The following TBC1D32 variants were observed in gnomAD, a reference collection of about 807,000 sequenced individuals.
The protein encoded by TBC1D32 is protein broad-minded.
A neutral mutation model predicts 170.3 loss-of-function variants in TBC1D32; 151 were observed. That is an observed-to-expected ratio of 0.89 (90% CI 0.78 to 1.01). The LOEUF is 1.01. Among genes scored for constraint, TBC1D32 ranks in the 50% least tolerant of loss-of-function variants. The pLI is 0.00. For synonymous variants in TBC1D32, 498 were observed against 488.0 expected (o/e 1.02, Z -0.27); for missense variants, 1,464 against 1,457.1 (o/e 1.00, Z -0.08).
chr6:121,087,811 AAGT>A (rs1305771292), intron 31 of TBC1D32, among the ~76,000 whole-genome samples: 1 of 152,166 alleles, frequency 6.6e-6, no homozygotes, highest in Non-Finnish European at 1.5e-5. Flanking sequence ...TTACAACAAA[AAGT>A]AGAAGTATCT....
At chr6:121,326,656 T>C (rs1053666055) in intron 1 of TBC1D32, among the ~76,000 whole-genome samples, 4 of 152,100 alleles carry the variant, frequency 2.6e-5, no homozygotes, top group Admixed American at 1.3e-4. Flanking sequence ...TCCAGAAGAC[T>C]CATTCAAAAT....
chr6:121,240,986 G>A (rs553057403), intron 19 of TBC1D32, among the ~76,000 whole-genome samples: 39 of 150,628 alleles, frequency 2.6e-4, no homozygotes, highest in Non-Finnish European at 4.7e-4. Flanking sequence ...CAAAGATAAT[G>A]TGAAAGCTAA....
At chr6:121,278,966 T>G (rs1350643384) in intron 15 of TBC1D32, among the ~76,000 whole-genome samples, 155 bp downstream of exon 15, 1 of 152,110 alleles carries the variant, frequency 6.6e-6, no homozygotes, top group Non-Finnish European at 1.5e-5. Context: ...CTCCTATTCT[T>G]ATTTTGAAAT....
intron 20 of TBC1D32, among the ~76,000 whole-genome samples, chr6:121,233,118 T>A (rs1235060194): frequency 6.6e-6 from 1 of 152,150 alleles, no homozygotes; most frequent in African/African-American, 2.4e-5. Context: ...GACTTGTTTT[T>A]GTGGCCTCTC....
intron 15 of TBC1D32, among the ~76,000 whole-genome samples, chr6:121,270,914 C>T (rs1301590814): frequency 1.2e-4 from 18 of 152,172 alleles, no homozygotes; most frequent in Admixed American, 8.5e-4. Context: ...TTATCCACCA[C>T]AAACAAGTTG....
At chr6:121,151,424 T>C (rs1338470638) in intron 24 of TBC1D32, among the ~76,000 whole-genome samples, 1 of 152,208 alleles carries the variant, frequency 6.6e-6, no homozygotes, top group Non-Finnish European at 1.5e-5. Context: ...CTTCTAATTA[T>C]GTGGTTGATT....
At chr6:121,174,259 G>A (rs1787452103) in intron 22 of TBC1D32, among the ~76,000 whole-genome samples, 1 of 152,056 alleles carries the variant, frequency 6.6e-6, no homozygotes. Flanking sequence ...AAAATATAAT[G>A]GAAATAAGGA....
chr6:121,090,450 T>G (rs1776689659), intron 31 of TBC1D32, among the ~76,000 whole-genome samples: 1 of 152,176 alleles, frequency 6.6e-6, no homozygotes, highest in Admixed American at 6.5e-5. Flanking sequence ...CATGAAAATC[T>G]TTTATAAAAA....
Position 121,242,323 on chromosome 6 carries a change from T to C in TBC1D32, c.2035A>G (p.Asn679Asp). The change falls in exon 18 of 32, where the codon AAT becomes GAT. Residue 679 changes from asparagine (N) to aspartate (D), a missense_variant. Transcript: ENST00000398212. ...AAATGTAGTAAATCATCTAACAAATTATCTTCCCAAGCCATACTGAAATAG... is the reference window on the plus strand; with the variant it reads ...AAATGTAGTAAATCATCTAACAAATCATCTTCCCAAGCCATACTGAAATAG... ...ESQNIMAWEDNLLDDLLHFAA... is the reference protein window; with the variant it reads ...ESQNIMAWEDDLLDDLLHFAA... The C allele has an allele frequency of 6.2e-7, 1 of 1,612,712 alleles. No homozygotes were observed. Among genetic ancestry groups the C allele is most frequent in the Non-Finnish European group, 8.5e-7 (1 of 1,179,348 alleles).
chr6:121,161,414 C>A (rs1785640139), intron 22 of TBC1D32, among the ~76,000 whole-genome samples: 1 of 152,098 alleles, frequency 6.6e-6, no homozygotes. Context: ...CATATGTTCT[C>A]ATCATTCAGC....
At chr6:121,256,018 T>C in intron 16 of TBC1D32, 66 bp downstream of exon 16, 1 of 1,375,904 alleles carries the variant, frequency 7.3e-7, no homozygotes. Context: ...AGTACAACAC[T>C]ATAATGGTGC....
At chr6:121,330,040 C>CTTATT (rs201888894) in intron 1 of TBC1D32, among the ~76,000 whole-genome samples, 22 of 151,908 alleles carry the variant, frequency 1.4e-4, no homozygotes, top group African/African-American at 2.4e-4. Context: ...TGAATACTTT[C>CTTATT]TTATTTTATT....
intron 20 of TBC1D32, among the ~76,000 whole-genome samples, chr6:121,236,130 G>GT (rs35408887): frequency 1.6e-3 from 231 of 140,096 alleles, no homozygotes; most frequent in African/African-American, 5.2e-3. Flanking sequence ...TTTTATTTTT[G>GT]TTTTTTTTTT....
At chr6:121,311,725 C>CA (rs34442665) in intron 3 of TBC1D32, among the ~76,000 whole-genome samples, 11,452 of 114,366 alleles carry the variant, frequency 0.1, 522 homozygotes, top group South Asian at 0.22. Flanking sequence ...GACTCCACCT[C>CA]AAAAAAAAAA....
intron 24 of TBC1D32, among the ~76,000 whole-genome samples, chr6:121,137,738 G>C (rs895593944): frequency 2.0e-5 from 3 of 151,884 alleles, no homozygotes; most frequent in Non-Finnish European, 2.9e-5. Flanking sequence ...TGTAGAAAGA[G>C]AGACTATACA....
In TBC1D32 at chr6:121,246,154, T is replaced by C. The variant is rs1797569633; in HGVS notation, c.2019-3815A>G. On this transcript the variant is annotated intron_variant, in intron 17 of 31. Coordinates refer to ENST00000398212, the MANE Select transcript of TBC1D32 (RefSeq NM_152730.6). ...AAATAAAGTGTACAACACAGGAGAA[T>C]GAGATAAGCCTCAGGAGATCCCTGC... 2.0e-5 allele frequency among the ~76,000 whole-genome samples: 3 copies of C among 151,984 alleles called. No homozygotes were observed. In the South Asian group the frequency reaches 6.2e-4, roughly 32 times the overall value.
In TBC1D32 at chr6:121,239,174, G is replaced by C; in HGVS notation, c.2260C>G (p.Leu754Val). 3 of 1,581,182 alleles carry C rather than the reference G, an allele frequency of 1.9e-6. No individual in the cohort carries two copies. The highest frequency in any genetic ancestry group is 2.6e-6 in the Non-Finnish European group (3 of 1,154,322). ...ALKKSGFINE[L>V]ITELWSNLEY... ...AGATTGGACCATAATTCAGTTATAA[G>C]TTCATTAATAAACCCTAAAAAGAAT... The change falls in exon 20 of 32, where the codon CTT becomes GTT. Residue 754 changes from leucine to valine, a missense_variant. This residue lies in a region of TBC1D32 where 1,363 missense variants were observed against 1,338.1 expected (regional missense o/e 1.02). Coordinates refer to ENST00000398212, the MANE Select transcript of TBC1D32 (RefSeq NM_152730.6).
At chr6:121,307,306 G>A (rs1233190586) in intron 5 of TBC1D32, among the ~76,000 whole-genome samples, 1 of 152,096 alleles carries the variant, frequency 6.6e-6, no homozygotes, top group Non-Finnish European at 1.5e-5. Context: ...AGTTTGGGAG[G>A]TTGAGGCTGA....
intron 20 of TBC1D32, among the ~76,000 whole-genome samples, chr6:121,232,157 C>A (rs975399364): frequency 6.6e-5 from 10 of 151,904 alleles, no homozygotes; most frequent in African/African-American, 1.9e-4. Context: ...TTGCTAATTA[C>A]CCCAGCACTA....
Sources: allele counts gnomAD v4.1 joint callset (sites outside exome capture counted in the v4.1 genomes callset), GRCh38; gene constraint gnomAD v4.1.1; regional missense constraint gnomAD v4.1.1; transcripts MANE v1.5; gene names NCBI Gene and HGNC (gene_info 2026-07-23, HGNC 2026-07-21).